The following R3HCC1L variants were observed in gnomAD, a reference collection of about 807,000 sequenced individuals.
The protein encoded by R3HCC1L is coiled-coil domain-containing protein R3HCC1L.
R3HCC1L carries 51 observed loss-of-function variants against 59.9 expected under a neutral mutation model. The observed-to-expected ratio is 0.85, with a 90% confidence interval of 0.68 to 1.07. R3HCC1L has a LOEUF of 1.07. Ranked by LOEUF, R3HCC1L falls within the 50% of genes least tolerant of loss-of-function variation. The pLI, the probability that R3HCC1L is intolerant of heterozygous loss-of-function variation, is 0.00. For missense variants in R3HCC1L, 965 were observed against 933.0 expected, an observed-to-expected ratio of 1.03 and a Z score of -0.45; for synonymous variants, 322 against 315.2, an observed-to-expected ratio of 1.02 and a Z score of -0.23.
intron 5 of R3HCC1L, among the ~76,000 whole-genome samples, chr10:98,213,873 TG>T (rs1254237139): frequency 6.6e-6 from 1 of 152,156 alleles, no homozygotes; most frequent in Non-Finnish European, 1.5e-5. Context: ...ACTGCCTAAG[TG>T]GGGATTTATT....
intron 2 of R3HCC1L, among the ~76,000 whole-genome samples, chr10:98,161,150 A>G (rs556099548): frequency 6.6e-5 from 10 of 152,164 alleles, no homozygotes; most frequent in Non-Finnish European, 1.3e-4. Context: ...TCAGCAGGGT[A>G]TGAGAGGGTT....
At chr10:98,151,572 G>A (rs749323742) in intron 1 of R3HCC1L, among the ~76,000 whole-genome samples, 18 of 152,124 alleles carry the variant, frequency 1.2e-4, no homozygotes, top group East Asian at 1.9e-4. Flanking sequence ...TAATTATGTC[G>A]CATGCTAGTG....
At chr10:98,158,579 G>C (rs1435748728) in intron 2 of R3HCC1L, among the ~76,000 whole-genome samples, 1 of 152,110 alleles carries the variant, frequency 6.6e-6, no homozygotes, top group East Asian at 1.9e-4. Context: ...AGTTAAGTGT[G>C]CACTTTCTAA....
In R3HCC1L at chr10:98,211,208, A is replaced by C. The variant is rs751156603; in HGVS notation, c.1785+1309A>C. 4.3e-6 allele frequency: 3 copies of C among 689,736 alleles called. No homozygotes were observed. The Admixed American group carries it at 8.5e-5, about 19-fold the overall frequency. The allele number at this position is 689,736 out of a possible 1,614,324, so 42.7% of individuals were successfully genotyped here. A position where few individuals can be genotyped will look rare whatever the true frequency, so the allele number is the denominator to read the frequency against. ...AGATTCTCAAAGGCAGTGATTTCCA[A>C]AGTATGGTCCCTAGACCAGCAGCAT... is the stretch of plus-strand genomic sequence containing the variant. On this transcript the variant is annotated intron_variant, in intron 5 of 9. Coordinates refer to ENST00000298999, the MANE Select transcript of R3HCC1L (RefSeq NM_001351015.2).
chr10:98,186,463 C>G (rs1325494), intron 4 of R3HCC1L: 406,465 of 953,068 alleles, frequency 0.43, 88,359 homozygotes, highest in South Asian at 0.57. Context: ...CTTGTTTTTT[C>G]CAGATGGTTT....
chr10:98,217,607 A>C (rs1854364781), intron 5 of R3HCC1L, among the ~76,000 whole-genome samples: 1 of 152,188 alleles, frequency 6.6e-6, no homozygotes. Flanking sequence ...TGCTTTAGGC[A>C]GTATGGTCAT....
At chr10:98,139,488 T>C (rs867354997) in intron 1 of R3HCC1L, among the ~76,000 whole-genome samples, 1 of 152,282 alleles carries the variant, frequency 6.6e-6, no homozygotes, top group Middle Eastern at 3.4e-3. Flanking sequence ...CTTGAAAGAG[T>C]ACCCTCCTTC....
intron 5 of R3HCC1L, among the ~76,000 whole-genome samples, chr10:98,228,285 T>A (rs1361029047): frequency 1.3e-5 from 2 of 152,228 alleles, no homozygotes; most frequent in Non-Finnish European, 1.5e-5. Flanking sequence ...CTAACTGGTG[T>A]GAGATGGTAT....
chr10:98,139,703 A>G (rs1844948961), intron 1 of R3HCC1L, among the ~76,000 whole-genome samples: 1 of 152,088 alleles, frequency 6.6e-6, no homozygotes, highest in East Asian at 1.9e-4. Flanking sequence ...ATTTGGAGAG[A>G]ATTTTCTTTT....
Position 98,209,716 on chromosome 10 carries a change from T to G in R3HCC1L, c.1602T>G (p.Asp534Glu). 2 of 1,613,974 alleles carry G rather than the reference T, an allele frequency of 1.2e-6. No homozygotes were observed. Among genetic ancestry groups the G allele is most frequent in the Non-Finnish European group, 1.7e-6 (2 of 1,179,886 alleles). ...AAGAGTTCAAAACAGAAGAGCAAGA[T>G]GACTCAGGGAGTATAGAATTTGGTG... is the stretch of plus-strand genomic sequence containing the variant. ...TAEEFKTEEQDDSGSIEFGVS... is the reference protein window; with the variant it reads ...TAEEFKTEEQEDSGSIEFGVS... The change falls in exon 5 of 10, where the codon GAT (aspartate) becomes GAG (glutamate). Residue 534 changes from aspartate (D) to glutamate (E), a missense_variant. By Grantham distance (45) the Asp-to-Glu change is conservative. Coordinates refer to ENST00000298999, the MANE Select transcript of R3HCC1L (RefSeq NM_001351015.2).
At chr10:98,243,559 C>T (rs1331161040) in intron 9 of R3HCC1L, among the ~76,000 whole-genome samples, 1 of 152,112 alleles carries the variant, frequency 6.6e-6, no homozygotes, top group Non-Finnish European at 1.5e-5. Flanking sequence ...ATTTCTGGCT[C>T]CTGGAAGTGC....
chr10:98,205,064 C>T (rs1460989117), intron 4 of R3HCC1L, among the ~76,000 whole-genome samples: 1 of 152,128 alleles, frequency 6.6e-6, no homozygotes, highest in Non-Finnish European at 1.5e-5. Context: ...TTTAGGAATT[C>T]TGCAAACTGA....
chr10:98,150,630 G>T (rs1846063513), intron 1 of R3HCC1L, among the ~76,000 whole-genome samples: 1 of 152,088 alleles, frequency 6.6e-6, no homozygotes, highest in Admixed American at 6.5e-5. Context: ...CCTCCTGCAT[G>T]GGAGGCATCC....
intron 4 of R3HCC1L, among the ~76,000 whole-genome samples, chr10:98,179,858 T>G (rs372737456): frequency 6.6e-6 from 1 of 152,222 alleles, no homozygotes; most frequent in East Asian, 1.9e-4. Flanking sequence ...CGTATAGGTA[T>G]TTGTAGTATT....
At chr10:98,199,867 T>C (rs1215129973) in intron 4 of R3HCC1L, among the ~76,000 whole-genome samples, 1 of 152,106 alleles carries the variant, frequency 6.6e-6, no homozygotes, top group Non-Finnish European at 1.5e-5. Flanking sequence ...AAGAATGATG[T>C]GATATCTTCC....
intron 1 of R3HCC1L, among the ~76,000 whole-genome samples, chr10:98,136,914 G>A (rs1029845183): frequency 6.6e-5 from 10 of 152,202 alleles, no homozygotes; most frequent in African/African-American, 2.2e-4. Flanking sequence ...CACTGGTGGT[G>A]TCAAAAGTTT....
rs193111603 is a variant in R3HCC1L at position 98,162,232 on chromosome 10, A to C, written c.-212-651A>C. On this transcript the variant is annotated intron_variant, in intron 2 of 9. Transcript: ENST00000298999. ...ATTGGTGGACATTAAAGTTATTTAA[A>C]ATTTTTCACTATTGTAAACAGTTCT... is the stretch of plus-strand genomic sequence containing the variant. Among the ~76,000 whole-genome samples the C allele has an allele frequency of 3.2e-4, 49 of 152,248 alleles. No individual in the cohort carries two copies. In the East Asian group the frequency reaches 9.5e-3, roughly 29 times the overall value.
chr10:98,174,540 T>C (rs1848808972), intron 4 of R3HCC1L: 3 of 917,936 alleles, frequency 3.3e-6, no homozygotes, highest in Admixed American at 6.2e-5. Context: ...TGAATAAGAA[T>C]ATAAAGGAGT....
chr10:98,156,662 T>G (rs1383900291), intron 2 of R3HCC1L, among the ~76,000 whole-genome samples: 1 of 152,212 alleles, frequency 6.6e-6, no homozygotes, highest in African/African-American at 2.4e-5. Context: ...TAACATAATC[T>G]ATAGAGGAAT....
Sources: gnomAD v4.1 joint callset for allele counts (sites outside exome capture counted in the v4.1 genomes callset) on GRCh38, gnomAD v4.1.1 for gene constraint, MANE v1.5 for transcripts, NCBI Gene and HGNC (gene_info 2026-07-23, HGNC 2026-07-21) for gene names.